The following PLEKHG1 variants were observed in gnomAD, a reference collection of about 807,000 sequenced individuals.
PLEKHG1 encodes the protein pleckstrin homology domain-containing family G member 1.
Under a neutral mutation model 100.8 loss-of-function variants are expected in PLEKHG1, and 44 were observed. That is an observed-to-expected ratio of 0.44 (90% CI 0.34 to 0.56). The LOEUF is 0.56. Among genes scored for constraint, PLEKHG1 ranks in the 20% least tolerant of loss-of-function variants. PLEKHG1 has a pLI of 0.01. For missense variants in PLEKHG1, 1,545 were observed against 1,720.9 expected (o/e 0.90, Z 1.81); for synonymous variants, 640 against 662.5 (o/e 0.97, Z 0.52).
chr6:150,623,790 G>T (rs551463039), intron 1 of PLEKHG1, among the ~76,000 whole-genome samples: 2 of 152,306 alleles, frequency 1.3e-5, no homozygotes, highest in East Asian at 3.9e-4. Flanking sequence ...AGGCTGCAGC[G>T]ACCTGTTTAC....
Position 150,683,948 on chromosome 6 carries a change from A to G in PLEKHG1, c.-99+33162A>G, listed in dbSNP as rs1780021460. 1 of 523,444 alleles carries G rather than the reference A, an allele frequency of 1.9e-6. No individual in the cohort carries two copies. Among genetic ancestry groups the G allele is most frequent in the Non-Finnish European group, 3.0e-6 (1 of 328,554 alleles). 32.4% of individuals were successfully genotyped at this position (523,444 alleles called of 1,614,324 possible). On this transcript the variant is annotated intron_variant, in intron 3 of 3. Transcript: ENST00000367326. The surrounding 1 kb of genome is among the most constrained non-coding windows in gnomAD (Gnocchi z 4.0). ...GGTGGTGGCAAGGGCAGTGGCAAGTAGTGGGTTTCATGGAAGGATAAAAGT... is the reference window on the plus strand; with the variant it reads ...GGTGGTGGCAAGGGCAGTGGCAAGTGGTGGGTTTCATGGAAGGATAAAAGT...
chr6:150,775,377 CAATT>C (rs1419001604), intron 3 of PLEKHG1, among the ~76,000 whole-genome samples: 1 of 152,136 alleles, frequency 6.6e-6, no homozygotes, highest in African/African-American at 2.4e-5. Context: ...TTTAGACATT[CAATT>C]GTTTCTTAGG....
At chr6:150,759,122 A>G (rs912377217) in intron 2 of PLEKHG1, among the ~76,000 whole-genome samples, 4 of 152,160 alleles carry the variant, frequency 2.6e-5, no homozygotes, top group Admixed American at 6.5e-5. Flanking sequence ...AAGAAATGGG[A>G]TGTCTTAAAG....
chr6:150,816,621 G>A (rs971133265), intron 10 of PLEKHG1, among the ~76,000 whole-genome samples: 2 of 152,016 alleles, frequency 1.3e-5, no homozygotes, highest in Admixed American at 1.3e-4. Context: ...ACCACGCCCG[G>A]CCTCAAACAT....
At chr6:150,689,367 T>C (rs4036092) in intron 3 of PLEKHG1, among the ~76,000 whole-genome samples, 44,896 of 152,098 alleles carry the variant, frequency 0.3, 8,208 homozygotes, top group African/African-American at 0.52. Flanking sequence ...TATTTAAATA[T>C]AACTTAAGTG....
In PLEKHG1 at chr6:150,839,156, C is replaced by G. The variant is rs149276579; in HGVS notation, c.3095-677C>G. Among the ~76,000 whole-genome samples the G allele has an allele frequency of 6.5e-3, 989 of 152,200 alleles. 27 individuals are homozygous for G. The highest frequency in any genetic ancestry group is 0.023 in the African/African-American group (945 of 41,532). ...TTTAGATGGAGTCTCACTCTGTCAC[C>G]CAGGCTAGAGTGCAGTGGCATGATC... is the stretch of plus-strand genomic sequence containing the variant. On this transcript the variant is annotated intron_variant, in intron 15 of 15. Coordinates refer to ENST00000358517, the Ensembl canonical transcript of PLEKHG1.
At chr6:150,839,460 C>CAGT (rs1777400314) in intron 15 of PLEKHG1, among the ~76,000 whole-genome samples, 1 of 152,120 alleles carries the variant, frequency 6.6e-6, no homozygotes, top group Non-Finnish European at 1.5e-5. Flanking sequence ...TTTTCATTGA[C>CAGT]CAGGCTGAAG....
At chr6:150,757,100 C>T (rs950534209) in intron 2 of PLEKHG1, among the ~76,000 whole-genome samples, 2 of 152,174 alleles carry the variant, frequency 1.3e-5, no homozygotes, top group African/African-American at 2.4e-5. Context: ...CAGGTTCAAG[C>T]GATTCTCGTG....
chr6:150,833,043 ATTTT>A (rs57683244), intron 15 of PLEKHG1, among the ~76,000 whole-genome samples: 2 of 133,496 alleles, frequency 1.5e-5, no homozygotes, highest in Non-Finnish European at 1.6e-5. Context: ...TTACTACTCA[ATTTT>A]TTTTTTTTTT....
chr6:150,723,245 G>C (rs924061160), intron 1 of PLEKHG1, among the ~76,000 whole-genome samples: 3 of 152,150 alleles, frequency 2.0e-5, no homozygotes, highest in African/African-American at 7.2e-5. Context: ...CAAACCCCGG[G>C]GGGTGCAGAG....
At chr6:150,633,518 C>A (rs1168139741) in intron 1 of PLEKHG1, among the ~76,000 whole-genome samples, 1 of 152,138 alleles carries the variant, frequency 6.6e-6, no homozygotes, top group African/African-American at 2.4e-5. Flanking sequence ...AAGAGCCTGT[C>A]ATGGAGCTGC....
intron 1 of PLEKHG1, among the ~76,000 whole-genome samples, chr6:150,728,833 T>G (rs1168111958): frequency 2.6e-5 from 4 of 151,044 alleles, no homozygotes; most frequent in Non-Finnish European, 5.9e-5. Context: ...GAGGTGGAGG[T>G]TGCAGTGAGC....
intron 3 of PLEKHG1, among the ~76,000 whole-genome samples, chr6:150,654,588 G>T (rs1778887271): frequency 6.6e-6 from 1 of 152,166 alleles, no homozygotes; most frequent in Non-Finnish European, 1.5e-5. Context: ...AGGCTTTGTG[G>T]GATTGAAATA....
intron 1 of PLEKHG1, among the ~76,000 whole-genome samples, chr6:150,626,973 T>C (rs1395882088): frequency 1.3e-5 from 2 of 152,190 alleles, no homozygotes; most frequent in Admixed American, 6.5e-5. Flanking sequence ...CCATTCTTTA[T>C]AGTGCATGGG....
chr6:150,599,924 G>T (rs1322690153), exon 1 of PLEKHG1: 3 of 194,294 alleles, frequency 1.5e-5, no homozygotes, highest in Non-Finnish European at 2.1e-5. Context: ...CGGCTGCAGG[G>T]CGCTCCGGCA....
intron 2 of PLEKHG1, among the ~76,000 whole-genome samples, chr6:150,744,321 G>C (rs1783035323): frequency 6.6e-6 from 1 of 152,150 alleles, no homozygotes; most frequent in Non-Finnish European, 1.5e-5. Context: ...TGATCTGCCT[G>C]CCTCGGCCTC....
chr6:150,834,012 T>C (rs1777097563), intron 15 of PLEKHG1, among the ~76,000 whole-genome samples: 1 of 149,026 alleles, frequency 6.7e-6, no homozygotes, highest in South Asian at 2.1e-4. Context: ...TGTAGGGAAC[T>C]TTTTTTTTTA....
At position 150,737,352 on chromosome 6, in the gene PLEKHG1, C is replaced by T. The variant is rs989271450; in HGVS notation, c.411+3260C>T. ...CAGGCTGGAGTGCGGAGTGCAGTGG[C>T]GCAATCTCGGCTCACTGCAAGCTCC... On this transcript the variant is annotated intron_variant, in intron 2 of 15. Transcript: ENST00000358517. Among the ~76,000 whole-genome samples the T allele has an allele frequency of 5.0e-4, 71 of 143,302 alleles. 1 individual carries two copies. The highest frequency in any genetic ancestry group is 1.7e-3 in the African/African-American group (66 of 37,858). The allele number at this position is 143,302 out of a possible 152,430, so 94.0% of individuals were successfully genotyped here.
intron 1 of PLEKHG1, among the ~76,000 whole-genome samples, chr6:150,618,271 C>T (rs73606243): frequency 0.025 from 3,855 of 152,272 alleles, 135 homozygotes; most frequent in African/African-American, 0.086. Context: ...GCCAGTGACA[C>T]GAGTGACTCC....
Sources: gnomAD v4.1 joint callset for allele counts (sites outside exome capture counted in the v4.1 genomes callset) on GRCh38, gnomAD v4.1.1 for gene constraint, Gnocchi (gnomAD v3.1) non-coding constraint, MANE v1.5 for transcripts, NCBI Gene and HGNC (gene_info 2026-07-23, HGNC 2026-07-21) for gene names.